Variants in LPIN1 observed in about 807,000 individuals in gnomAD.
LPIN1 encodes lipin 1.
In LPIN1, 71 loss-of-function variants were observed where a neutral mutation model predicts 107.5. The ratio of observed to expected loss-of-function variants is 0.66; its 90% CI spans 0.55 to 0.80. The LOEUF is 0.80. Ranked by LOEUF, LPIN1 falls within the 30% of genes least tolerant of loss-of-function variation. The probability of loss-of-function intolerance (pLI) is 0.00; values close to 1 mark genes in which losing one functional copy is unlikely to be tolerated. For synonymous variants in LPIN1, 445 were observed against 452.6 expected (o/e 0.98, Z 0.21); for missense variants, 1,043 against 1,160.6 (o/e 0.90, Z 1.47).
intron 1 of LPIN1, among the ~76,000 whole-genome samples, chr2:11,711,103 C>A (rs1336691850): frequency 6.6e-6 from 1 of 152,178 alleles, no homozygotes; most frequent in African/African-American, 2.4e-5. Flanking sequence ...AAACTGCTGG[C>A]AGCCTTCCTA....
In LPIN1 at chr2:11,765,017, A is replaced by AGGCCGTGATG. The variant is rs1359185548; in HGVS notation, c.-9-511_-9-502dup. Among the ~76,000 whole-genome samples, 3 of 151,926 alleles carry AGGCCGTGATG rather than the reference A, an allele frequency of 2.0e-5. No homozygotes were observed. Among genetic ancestry groups the AGGCCGTGATG allele is most frequent in the Non-Finnish European group, 4.4e-5 (3 of 67,974 alleles). ...GGCTTGCTGTGGGAGTTGGGGTGAT[A>AGGCCGTGATG]GGCCGTGATGGGCCATGATGGGCTG... On this transcript the variant is annotated intron_variant, in intron 1 of 20. Coordinates refer to ENST00000674199, the MANE Select transcript of LPIN1 (RefSeq NM_001349206.2). The surrounding 1 kb of genome is among the most constrained non-coding windows in gnomAD (Gnocchi z 4.4).
chr2:11,791,906 T>C lies in LPIN1; in HGVS notation c.1714-8T>C. ...TCCATTATTTATGTTACCATCCATT[T>C]AAAACAGGCCACTGTGGAATCTATC... is the stretch of plus-strand genomic sequence containing the variant. On this transcript the variant is annotated splice_region_variant and splice_polypyrimidine_tract_variant and intron_variant, in intron 12 of 20. Transcript: ENST00000674199. 6.2e-7 allele frequency: 1 copy of C among 1,613,478 alleles called. No individual in the cohort carries two copies. Among genetic ancestry groups the C allele is most frequent in the Non-Finnish European group, 8.5e-7 (1 of 1,179,586 alleles).
At chr2:11,718,819 G>T (rs1441927017) in intron 2 of LPIN1, among the ~76,000 whole-genome samples, 1 of 152,126 alleles carries the variant, frequency 6.6e-6, no homozygotes, top group East Asian at 1.9e-4. Context: ...TCAGAACTTA[G>T]TCTCTTGGGG....
intron 2 of LPIN1, among the ~76,000 whole-genome samples, chr2:11,715,631 G>A (rs567324610): frequency 6.6e-6 from 1 of 152,270 alleles, no homozygotes; most frequent in East Asian, 1.9e-4. Context: ...GAGAAGTAGG[G>A]CTTGTATCAG....
chr2:11,680,822 A>C lies in LPIN1; in HGVS notation c.81+3094A>C, dbSNP rs1484253955. Among the ~76,000 whole-genome samples, 3 of 152,312 alleles carry C rather than the reference A, an allele frequency of 2.0e-5. No individual in the cohort carries two copies. In the South Asian group the frequency reaches 6.2e-4, roughly 32 times the overall value. On this transcript the variant is annotated intron_variant, in intron 1 of 21. Coordinates refer to the LPIN1 transcript ENST00000449576. ...ACCCTGCCTATGAAAGATAGCAGGC[A>C]GTCACGGGCCGAATATGTAAGACCC...
intron 17 of LPIN1, among the ~76,000 whole-genome samples, chr2:11,808,336 C>A (rs1444817728): frequency 1.3e-5 from 2 of 152,170 alleles, no homozygotes; most frequent in Non-Finnish European, 2.9e-5. Context: ...CCTTAGCAGC[C>A]ACCACTGGGA....
intron 14 of LPIN1, among the ~76,000 whole-genome samples, chr2:11,798,910 C>CTGACAAGT (rs1677196328): frequency 1.3e-5 from 2 of 152,320 alleles, no homozygotes; most frequent in Admixed American, 6.5e-5. Flanking sequence ...AAAACGTACA[C>CTGACAAGT]TGACAAGTGC....
chr2:11,819,042 A>G (rs1186247374), intron 18 of LPIN1: 1 of 150,640 alleles, frequency 6.6e-6, no homozygotes, highest in Non-Finnish European at 1.4e-5. Flanking sequence ...GTATACACAC[A>G]TACACACACA....
intron 18 of LPIN1, among the ~76,000 whole-genome samples, chr2:11,815,846 C>A (rs1426496517): frequency 3.9e-5 from 6 of 152,094 alleles, no homozygotes; most frequent in African/African-American, 9.7e-5. Flanking sequence ...GGGGCCATAT[C>A]AAGGTAGCTA....
In LPIN1 at chr2:11,787,765, C is replaced by T. The variant is rs1572831629; in HGVS notation, c.1643+598C>T. Reference sequence around the variant, plus strand: ...GACCATCCTGGCTAACACGGTGAAACCCCGTCTCTACTAAAGATACAAAAA... The same window carrying T: ...GACCATCCTGGCTAACACGGTGAAATCCCGTCTCTACTAAAGATACAAAAA... On this transcript the variant is annotated intron_variant, in intron 11 of 20. Coordinates refer to ENST00000674199, the MANE Select transcript of LPIN1 (RefSeq NM_001349206.2). Among the ~76,000 whole-genome samples the T allele has an allele frequency of 2.0e-5, 3 of 151,904 alleles. No homozygotes were observed. In the South Asian group the frequency reaches 6.2e-4, roughly 32 times the overall value.
At chr2:11,799,037 G>A (rs889622592) in intron 14 of LPIN1, among the ~76,000 whole-genome samples, 1 of 152,160 alleles carries the variant, frequency 6.6e-6, no homozygotes, top group East Asian at 1.9e-4. Flanking sequence ...CATTTAATGA[G>A]CCATTGTAAG....
At chr2:11,730,158 G>T (rs1390215186) in intron 1 of LPIN1, among the ~76,000 whole-genome samples, 1 of 151,754 alleles carries the variant, frequency 6.6e-6, no homozygotes, top group Non-Finnish European at 1.5e-5. Context: ...TTCCTGTTTG[G>T]TTCCTTTTTT....
intron 1 of LPIN1, among the ~76,000 whole-genome samples, chr2:11,699,401 G>A (rs1274035942): frequency 6.6e-6 from 1 of 152,166 alleles, no homozygotes; most frequent in Non-Finnish European, 1.5e-5. Context: ...AGACTTGACC[G>A]GCGCCCTGAT....
rs371536261 is a variant in LPIN1, at chr2:11,805,163, A to G, written c.2249+7A>G. 6.2e-7 allele frequency: 1 copy of G among 1,608,014 alleles called. No individual in the cohort carries two copies. Among genetic ancestry groups the G allele is most frequent in the Non-Finnish European group, 8.5e-7 (1 of 1,174,506 alleles). On this transcript the variant is annotated splice_region_variant and intron_variant, in intron 17 of 20. Coordinates refer to ENST00000674199, the MANE Select transcript of LPIN1 (RefSeq NM_001349206.2). ...TGTACCATAAAGTGAGCCAGTGAGT[A>G]CAGAGTTCCTGTTTCCCGCCTCCTG...
chr2:11,778,302 G>A (rs1673001582), intron 6 of LPIN1, among the ~76,000 whole-genome samples: 1 of 152,214 alleles, frequency 6.6e-6, no homozygotes, highest in Admixed American at 6.5e-5. Flanking sequence ...GTGGCAGCAC[G>A]TCATTAGAAG....
chr2:11,748,416 C>G (rs1386056815), intron 1 of LPIN1, among the ~76,000 whole-genome samples: 1 of 152,218 alleles, frequency 6.6e-6, no homozygotes, highest in Non-Finnish European at 1.5e-5. Flanking sequence ...GGGCAGAAGA[C>G]TTCAATCCTC....
intron 1 of LPIN1, among the ~76,000 whole-genome samples, chr2:11,701,268 C>G (rs940801322): frequency 2.0e-5 from 3 of 152,184 alleles, no homozygotes; most frequent in Non-Finnish European, 4.4e-5. Flanking sequence ...ATTACAGATA[C>G]TAGTTTCTGC....
chr2:11,734,375 A>T (rs1191055614), intron 1 of LPIN1, among the ~76,000 whole-genome samples: 1 of 152,254 alleles, frequency 6.6e-6, no homozygotes, highest in African/African-American at 2.4e-5. Flanking sequence ...CGTGACAGAG[A>T]GAAACTCACC....
chr2:11,823,987 GAT>G (rs1246411260), intron 20 of LPIN1, among the ~76,000 whole-genome samples: 1 of 152,046 alleles, frequency 6.6e-6, no homozygotes, highest in African/African-American at 2.4e-5. Flanking sequence ...AAGACGTGTT[GAT>G]AATTTGTCAT....
Sources: gnomAD v4.1 joint callset for allele counts (sites outside exome capture counted in the v4.1 genomes callset) on GRCh38, gnomAD v4.1.1 for gene constraint, Gnocchi (gnomAD v3.1) non-coding constraint, MANE v1.5 for transcripts, NCBI Gene and HGNC (gene_info 2026-07-23, HGNC 2026-07-21) for gene names.